Variants in USP15 observed in about 807,000 individuals in gnomAD.
The protein encoded by USP15 is ubiquitin carboxyl-terminal hydrolase 15.
USP15 carries 18 observed loss-of-function variants against 127.1 expected under a neutral mutation model. That is an observed-to-expected ratio of 0.14 (90% CI 0.10 to 0.21). USP15 has a LOEUF of 0.21. Ranked by LOEUF, USP15 falls within the 10% of genes least tolerant of loss-of-function variation. The pLI is 1.00. For synonymous variants in USP15, 364 were observed against 393.7 expected (o/e 0.92, Z 0.89); for missense variants, 805 against 1,159.9 (o/e 0.69, Z 4.44).
chr12:62,371,229 A>G (rs572292218), intron 8 of USP15, among the ~76,000 whole-genome samples: 3 of 152,166 alleles, frequency 2.0e-5, no homozygotes, highest in Non-Finnish European at 2.9e-5. Context: ...AATTCTTAGA[A>G]TTTATTATGT....
chr12:62,355,547 T>A, intron 8 of USP15, 72 bp downstream of exon 8: 1 of 1,477,244 alleles, frequency 6.8e-7, no homozygotes. Flanking sequence ...AAGTTGGGTT[T>A]TTCATGCCAG....
intron 19 of USP15, chr12:62,393,736 C>T (rs1336943307): frequency 2.0e-5 from 3 of 152,296 alleles, no homozygotes; most frequent in Non-Finnish European, 4.4e-5. Flanking sequence ...ATTATAGCCA[C>T]CCGCCATCAT....
At chr12:62,293,647 C>T (rs1265561964) in intron 1 of USP15, among the ~76,000 whole-genome samples, 4 of 152,118 alleles carry the variant, frequency 2.6e-5, no homozygotes, top group Admixed American at 6.6e-5. Flanking sequence ...TAAGCCACTG[C>T]GCCCGGCTGT....
Position 62,413,360 on chromosome 12 carries a change from C to T in USP15, c.*8985C>T, listed in dbSNP as rs1423581351. On this transcript the variant is annotated 3_prime_UTR_variant, in exon 22 of 22. Transcript: ENST00000280377. ...GGCCCCTAACAAGAAATCAGTCTCT[C>T]GTTTGAAGCCAAGCATCAACTTTTC... is the stretch of plus-strand genomic sequence containing the variant. 1 of 152,196 alleles carries T rather than the reference C, an allele frequency of 6.6e-6. No homozygotes were observed. Among genetic ancestry groups the T allele is most frequent in the Non-Finnish European group, 1.5e-5 (1 of 68,038 alleles). The allele number at this position is 152,196 out of a possible 1,614,324, so 9.4% of individuals were successfully genotyped here.
intron 1 of USP15, among the ~76,000 whole-genome samples, chr12:62,277,879 A>C (rs1403647559): frequency 6.6e-6 from 1 of 152,152 alleles, no homozygotes; most frequent in Non-Finnish European, 1.5e-5. Context: ...CTTAGGCTAC[A>C]CTAAGTTAAT....
intron 7 of USP15, among the ~76,000 whole-genome samples, chr12:62,350,353 T>C (rs1399068706): frequency 6.6e-6 from 1 of 152,192 alleles, no homozygotes; most frequent in African/African-American, 2.4e-5. Context: ...AAAAAGAATT[T>C]AATATGATCA....
intron 7 of USP15, among the ~76,000 whole-genome samples, chr12:62,352,550 C>G (rs1289647253): frequency 6.6e-6 from 1 of 151,818 alleles, no homozygotes. Flanking sequence ...ATGCAGAACA[C>G]TTTTTTATTT....
chr12:62,311,118 A>G (rs7974980), intron 3 of USP15, among the ~76,000 whole-genome samples: 128,485 of 151,842 alleles, frequency 0.85, 54,517 homozygotes, highest in Middle Eastern at 0.9. Context: ...CTGGATATTA[A>G]TCCTCTGTTG....
At chr12:62,400,346 A>G (rs1373804060) in intron 20 of USP15, among the ~76,000 whole-genome samples, 1 of 152,174 alleles carries the variant, frequency 6.6e-6, no homozygotes, top group Non-Finnish European at 1.5e-5. Context: ...TAGTATTTGC[A>G]TATAACCTAA....
intron 7 of USP15, among the ~76,000 whole-genome samples, chr12:62,349,721 A>G (rs191178980): frequency 1.6e-3 from 250 of 152,216 alleles, no homozygotes; most frequent in Non-Finnish European, 3.0e-3. Flanking sequence ...GAAAAAGGCA[A>G]TCACTTTTTC....
At chr12:62,363,726 C>T (rs896332007) in intron 8 of USP15, among the ~76,000 whole-genome samples, 2 of 152,048 alleles carry the variant, frequency 1.3e-5, no homozygotes, top group African/African-American at 4.8e-5. Context: ...CCCTCTCTCC[C>T]ATGACTGCTG....
chr12:62,339,848 T>C (rs1443922756), intron 6 of USP15, among the ~76,000 whole-genome samples: 1 of 152,174 alleles, frequency 6.6e-6, no homozygotes, highest in African/African-American at 2.4e-5. Flanking sequence ...GAAATTTTCT[T>C]TTTTTGTTGT....
intron 1 of USP15, among the ~76,000 whole-genome samples, chr12:62,280,630 A>G (rs796689895): frequency 2.6e-5 from 4 of 152,236 alleles, no homozygotes; most frequent in African/African-American, 9.6e-5. Context: ...TCACCTCCTA[A>G]TTCCCTATCC....
At chr12:62,280,042 T>TA (rs1329147254) in intron 1 of USP15, among the ~76,000 whole-genome samples, 9 of 152,168 alleles carry the variant, frequency 5.9e-5, no homozygotes, top group Non-Finnish European at 1.2e-4. Context: ...CATCTGAAAT[T>TA]AAGATAATAG....
At chr12:62,261,250 C>T (rs2063046518) in intron 1 of USP15, among the ~76,000 whole-genome samples, 1 of 152,142 alleles carries the variant, frequency 6.6e-6, no homozygotes, top group African/African-American at 2.4e-5. Context: ...TAACTAACTG[C>T]TAATATTCAA....
intron 3 of USP15, among the ~76,000 whole-genome samples, chr12:62,307,422 C>T (rs1565839478): frequency 6.6e-6 from 1 of 152,086 alleles, no homozygotes; most frequent in Non-Finnish European, 1.5e-5. Flanking sequence ...CTTTGTACGT[C>T]CTATTTCCCC....
At chr12:62,307,151 G>A (rs1349791050) in intron 3 of USP15, among the ~76,000 whole-genome samples, 3 of 152,010 alleles carry the variant, frequency 2.0e-5, no homozygotes, top group South Asian at 2.1e-4. Flanking sequence ...GAATTACCTC[G>A]CAGAACCACT....
chr12:62,351,695 T>C (rs1189255199), intron 7 of USP15, among the ~76,000 whole-genome samples: 4 of 152,054 alleles, frequency 2.6e-5, no homozygotes, highest in Non-Finnish European at 4.4e-5. Flanking sequence ...ATGACTACAT[T>C]ATATTTTTAG....
At position 62,343,073 on chromosome 12, in the gene USP15, C is replaced by A. The variant is rs528993079; in HGVS notation, c.684-6148C>A. 1.3e-3 allele frequency among the ~76,000 whole-genome samples: 191 copies of A among 152,290 alleles called. 1 individual carries two copies. The highest frequency in any genetic ancestry group is 4.5e-3 in the African/African-American group (185 of 41,558). ...GGAGATGAGAGTTTCATCTGTAAGC[C>A]CCTGGCTGGGGCTGCTGCATTTTCT... On this transcript the variant is annotated intron_variant, in intron 6 of 21. Coordinates refer to ENST00000280377, the MANE Select transcript of USP15 (RefSeq NM_001252078.2).
Sources: gnomAD v4.1 joint callset for allele counts (sites outside exome capture counted in the v4.1 genomes callset) on GRCh38, gnomAD v4.1.1 for gene constraint, MANE v1.5 for transcripts, NCBI Gene and HGNC (gene_info 2026-07-23, HGNC 2026-07-21) for gene names.